GMEB2: variants seen among roughly 807,000 people sequenced by gnomAD.
The protein encoded by GMEB2 is glucocorticoid modulatory element-binding protein 2.
Under a neutral mutation model 45.7 loss-of-function variants are expected in GMEB2, and 7 were observed. The ratio of observed to expected loss-of-function variants is 0.15; its 90% confidence interval spans 0.09 to 0.29. GMEB2 has a LOEUF of 0.29. GMEB2 is among the 10% of genes least tolerant of loss of function. The pLI is 1.00. For synonymous variants in GMEB2, 322 were observed against 323.6 expected (o/e 1.00, Z 0.05); for missense variants, 582 against 739.2 (o/e 0.79, Z 2.47).
intron 2 of GMEB2, among the ~76,000 whole-genome samples, chr20:63,613,388 T>C (rs900574962): frequency 1.3e-5 from 2 of 152,200 alleles, no homozygotes; most frequent in Non-Finnish European, 2.9e-5. Context: ...GCGCCAGCCG[T>C]GCGCCTGTGT....
intron 3 of GMEB2, among the ~76,000 whole-genome samples, chr20:63,604,506 C>G (rs1428791590): frequency 1.3e-5 from 2 of 152,156 alleles, no homozygotes; most frequent in Non-Finnish European, 2.9e-5. Context: ...AACTTGGGGC[C>G]AGGTGACTTT....
rs2083128993 is a variant in GMEB2, at chr20:63,589,936, T to C, written c.*153A>G. ...CTCGCTGTTCTGTCCCCTTCTCTCTTCTCGTGATTTGTTTTGGCGATTCCT... is the reference window on the plus strand; with the variant it reads ...CTCGCTGTTCTGTCCCCTTCTCTCTCCTCGTGATTTGTTTTGGCGATTCCT... On this transcript the variant is annotated 3_prime_UTR_variant, in exon 10 of 10. Transcript: ENST00000370077. The C allele has an allele frequency of 9.1e-6, 5 of 551,444 alleles. No homozygotes were observed. The highest frequency in any genetic ancestry group is 3.0e-6 in the Non-Finnish European group (1 of 331,620). 34.2% of individuals were successfully genotyped at this position (551,444 alleles called of 1,614,324 possible).
At chr20:63,616,598 G>T (rs1043593359) in intron 2 of GMEB2, among the ~76,000 whole-genome samples, 1 of 152,264 alleles carries the variant, frequency 6.6e-6, no homozygotes, top group African/African-American at 2.4e-5. Flanking sequence ...ACTGAGAGGC[G>T]GAGGCTGGCC....
intron 1 of GMEB2, among the ~76,000 whole-genome samples, chr20:63,624,692 T>C (rs117087243): frequency 1.9e-4 from 29 of 152,260 alleles, no homozygotes; most frequent in East Asian, 5.8e-4. Context: ...AGCCTCTCCA[T>C]TGGCAACTGC....
rs2083153431 is a variant in GMEB2 at position 63,592,231 on chromosome 20, T to C, written c.830-87A>G. Reference sequence around the variant, plus strand: ...GCTCGGTGAGAGCCCGGGACCTTCCTAGAGAGTCACGTGGACGCTCGGTGA... The same window carrying C: ...GCTCGGTGAGAGCCCGGGACCTTCCCAGAGAGTCACGTGGACGCTCGGTGA... On this transcript the variant is annotated intron_variant, in intron 8 of 9. Transcript: ENST00000370077. This position sits in a 1 kb window ranked among gnomAD's most constrained non-coding sequence, Gnocchi z 8.2. 1.5e-6 allele frequency: 2 copies of C among 1,314,092 alleles called. No individual in the cohort carries two copies. The highest frequency in any genetic ancestry group is 2.1e-6 in the Non-Finnish European group (2 of 945,262). The allele number at this position is 1,314,092 out of a possible 1,614,324, so 81.4% of individuals were successfully genotyped here. A position where few individuals can be genotyped will look rare whatever the true frequency, so the allele number is the denominator to read the frequency against.
chr20:63,619,500 C>T lies in GMEB2; in HGVS notation c.-57-46G>A. ...CACAGGGATGGAGTCATCTCCACATCCACACAACATAGCACTCACAAAGGC... is the reference window on the plus strand; with the variant it reads ...CACAGGGATGGAGTCATCTCCACATTCACACAACATAGCACTCACAAAGGC... On this transcript the variant is annotated intron_variant, in intron 1 of 9. Transcript: ENST00000370077. The surrounding 1 kb of genome is among the most constrained non-coding windows in gnomAD (Gnocchi z 4.6). The T allele has an allele frequency of 8.4e-7, 1 of 1,184,570 alleles. No individual in the cohort carries two copies. The highest frequency in any genetic ancestry group is 1.2e-6 in the Non-Finnish European group (1 of 833,690). The allele number at this position is 1,184,570 out of a possible 1,614,324, so 73.4% of individuals were successfully genotyped here. A position where few individuals can be genotyped will look rare whatever the true frequency, so the allele number is the denominator to read the frequency against.
rs78379037 is a variant in GMEB2 at position 63,613,818 on chromosome 20, T to C, written c.131+5449A>G. Among the ~76,000 whole-genome samples, 1,505 of 152,304 alleles carry C rather than the reference T, an allele frequency of 9.9e-3. 27 individuals carry two copies. Among genetic ancestry groups the C allele is most frequent in the African/African-American group, 0.035 (1,439 of 41,558 alleles). ...TGAGCCACTGCGCCTGGCCCATTTTTGTTTATCAATAAAAATGTACTTAAT... is the reference window on the plus strand; with the variant it reads ...TGAGCCACTGCGCCTGGCCCATTTTCGTTTATCAATAAAAATGTACTTAAT... On this transcript the variant is annotated intron_variant, in intron 2 of 9. Coordinates refer to ENST00000370077, the MANE Select transcript of GMEB2 (RefSeq NM_012384.5).
intron 1 of GMEB2, among the ~76,000 whole-genome samples, chr20:63,620,667 C>T (rs1017882666): frequency 6.6e-6 from 1 of 152,128 alleles, no homozygotes; most frequent in Non-Finnish European, 1.5e-5. Flanking sequence ...ACTGGAAAGT[C>T]TCTAAAATAA....
intron 1 of GMEB2, among the ~76,000 whole-genome samples, chr20:63,624,064 T>C (rs978134965): frequency 6.7e-6 from 1 of 149,882 alleles, no homozygotes; most frequent in African/African-American, 2.5e-5. Flanking sequence ...GTGCCAAGAC[T>C]GCACCACTAC....
At position 63,592,023 on chromosome 20, in the gene GMEB2, T is replaced by C. The variant is rs753841320; in HGVS notation, c.951A>G (p.Ala317=). ...RSREQYARDL[A]ALEQQCDEHR... The stretch of plus-strand genomic sequence containing the variant: ...GGGACGGGGGTGGTCTCAGCATACC[T>C]GCCAGGTCCCGGGCGTACTGCTCCC... The change falls in exon 9 of 10, where the codon GCA becomes GCG. Residue 317 remains alanine, a splice_region_variant and synonymous_variant. Transcript: ENST00000370077. This position sits in a 1 kb window ranked among gnomAD's most constrained non-coding sequence, Gnocchi z 8.2. 70 of 1,609,784 alleles carry C rather than the reference T, an allele frequency of 4.3e-5. No homozygotes were observed. The highest frequency in any genetic ancestry group is 5.7e-5 in the Non-Finnish European group (67 of 1,179,454).
chr20:63,612,483 G>A (rs547171843), intron 2 of GMEB2, among the ~76,000 whole-genome samples: 2 of 152,340 alleles, frequency 1.3e-5, no homozygotes, highest in Admixed American at 6.5e-5. Context: ...GAGCTGGGAA[G>A]GCCCAGGAAA....
At chr20:63,606,187 C>A (rs2089517572) in intron 2 of GMEB2, among the ~76,000 whole-genome samples, 1 of 151,778 alleles carries the variant, frequency 6.6e-6, no homozygotes, top group Non-Finnish European at 1.5e-5. Flanking sequence ...AAGATGAAAC[C>A]ATAAAAGTAT....
At chr20:63,604,690 C>A in intron 3 of GMEB2, 53 bp downstream of exon 3, 1 of 958,112 alleles carries the variant, frequency 1.0e-6, no homozygotes, top group South Asian at 1.3e-5. Context: ...GCAGGACTGT[C>A]CTGTCCCTGC....
At chr20:63,626,401 A>G (rs1393259032) in intron 1 of GMEB2, among the ~76,000 whole-genome samples, 31 of 13,764 alleles carry the variant, frequency 2.3e-3, no homozygotes, top group Non-Finnish European at 2.8e-3. Context: ...GCCCCTGGGG[A>G]TCGCGTCCCT....
At position 63,590,138 on chromosome 20, in the gene GMEB2, G is replaced by A. The variant is rs145516314; in HGVS notation, c.1544C>T (p.Thr515Met). ...CATGGCAGCCACCTCAATGGTGGCC[G>A]TGTGCTCCTCAGGCCCGGGGGCAGC... ...AGAAPGPEEH[T>M]ATIEVAAMAE... Residue 515 changes from threonine to methionine, a missense_variant, in exon 10 of 10, where the codon ACG becomes ATG. Transcript: ENST00000370077. The A allele has an allele frequency of 6.5e-6, 10 of 1,548,500 alleles. No individual in the cohort carries two copies. The highest frequency in any genetic ancestry group is 4.1e-5 in the African/African-American group (3 of 73,036).
chr20:63,598,343 GACACACACACACAC>G (rs67747559), intron 4 of GMEB2, among the ~76,000 whole-genome samples: 1 of 146,052 alleles, frequency 6.8e-6, no homozygotes, highest in African/African-American at 2.5e-5. Flanking sequence ...CTCTCACTCT[GACACACACACACAC>G]ACACACACAC....
In GMEB2 at chr20:63,592,296, G is replaced by T; in HGVS notation, c.830-152C>A. On this transcript the variant is annotated intron_variant, in intron 8 of 9. Coordinates refer to ENST00000370077, the MANE Select transcript of GMEB2 (RefSeq NM_012384.5). This position sits in a 1 kb window ranked among gnomAD's most constrained non-coding sequence, Gnocchi z 8.2. ...CCTAGAGAGTGAGAACACCACCACT[G>T]AGGCTGCTCCTCAGGAACCCAGCCA... The T allele has an allele frequency of 1.3e-6, 1 of 766,122 alleles. No homozygotes were observed. Among genetic ancestry groups the T allele is most frequent in the African/African-American group, 1.8e-5 (1 of 57,018 alleles). 47.5% of individuals were successfully genotyped at this position (766,122 alleles called of 1,614,324 possible).
At chr20:63,602,903 C>G in intron 4 of GMEB2, 62 bp downstream of exon 4, 1 of 1,516,570 alleles carries the variant, frequency 6.6e-7, no homozygotes. Context: ...AGCTGCACCC[C>G]CAAAGCAGTC....
intron 1 of GMEB2, among the ~76,000 whole-genome samples, chr20:63,624,187 C>T (rs1028188639): frequency 5.3e-5 from 8 of 150,484 alleles, no homozygotes; most frequent in Admixed American, 1.3e-4. Context: ...AAGGCCGAGG[C>T]GGGTGGATCA....
Sources: gnomAD v4.1 joint callset for allele counts (sites outside exome capture counted in the v4.1 genomes callset) on GRCh38, gnomAD v4.1.1 for gene constraint, Gnocchi (gnomAD v3.1) non-coding constraint, MANE v1.5 for transcripts, NCBI Gene and HGNC (gene_info 2026-07-23, HGNC 2026-07-21) for gene names.